The following CDYL variants were observed in gnomAD, a reference collection of about 807,000 sequenced individuals.
CDYL encodes the protein chromodomain Y-like protein.
CDYL carries 8 observed loss-of-function variants against 47.3 expected under a neutral mutation model. The observed-to-expected ratio is 0.17, with a 90% confidence interval of 0.10 to 0.31. The LOEUF (loss-of-function observed/expected upper bound fraction) is 0.31, where lower values mean the gene tolerates loss of function less well. CDYL is among the 10% of genes least tolerant of loss of function. CDYL has a pLI of 1.00. For missense variants in CDYL, 471 were observed against 701.4 expected, an observed-to-expected ratio of 0.67 and a Z score of 3.71; for synonymous variants, 266 against 265.0, an observed-to-expected ratio of 1.00 and a Z score of -0.04.
intron 1 of CDYL, among the ~76,000 whole-genome samples, chr6:4,866,857 T>A (rs1156318572): frequency 6.6e-6 from 1 of 152,094 alleles, no homozygotes; most frequent in African/African-American, 2.4e-5. Context: ...AGTTCACGGA[T>A]GTATTCTACC....
chr6:4,724,724 T>C (rs978613126), intron 2 of CDYL: 2 of 152,260 alleles, frequency 1.3e-5, no homozygotes, highest in South Asian at 2.1e-4. Context: ...CTCGTTGGGT[T>C]CGTGGTCTCA....
chr6:4,941,873 G>C (rs1758369400), intron 4 of CDYL, among the ~76,000 whole-genome samples: 1 of 152,108 alleles, frequency 6.6e-6, no homozygotes, highest in Non-Finnish European at 1.5e-5. Context: ...TGTTCCATAA[G>C]GCAGATGAAA....
At chr6:4,829,874 T>C (rs556212335) in intron 1 of CDYL, among the ~76,000 whole-genome samples, 1 of 152,244 alleles carries the variant, frequency 6.6e-6, no homozygotes, top group Admixed American at 6.5e-5. Flanking sequence ...GAATGCAGGC[T>C]GTCAGGCCAG....
intron 2 of CDYL, among the ~76,000 whole-genome samples, chr6:4,928,000 C>G (rs1417058257): frequency 6.6e-6 from 1 of 152,178 alleles, no homozygotes; most frequent in Non-Finnish European, 1.5e-5. Context: ...TAAACTGATT[C>G]TAGCTCATCA....
chr6:4,851,782 C>T (rs1177044524), intron 1 of CDYL, among the ~76,000 whole-genome samples: 1 of 152,086 alleles, frequency 6.6e-6, no homozygotes, highest in Non-Finnish European at 1.5e-5. Flanking sequence ...ACATGGCTGT[C>T]ATTCTTCATG....
At chr6:4,724,800 T>TA (rs1326504071) in intron 2 of CDYL, 1 of 152,174 alleles carries the variant, frequency 6.6e-6, no homozygotes, top group Non-Finnish European at 1.5e-5. Context: ...CAGTGTGGAC[T>TA]CAAAGAATTA....
intron 1 of CDYL, among the ~76,000 whole-genome samples, chr6:4,792,519 C>T (rs1275551561): frequency 6.6e-6 from 1 of 151,696 alleles, no homozygotes; most frequent in African/African-American, 2.4e-5. Flanking sequence ...GTAACCTCCA[C>T]CTCCCTGTTA....
intron 1 of CDYL, among the ~76,000 whole-genome samples, chr6:4,860,500 T>C (rs1025049412): frequency 2.1e-4 from 31 of 147,898 alleles, no homozygotes; most frequent in African/African-American, 7.6e-4. Flanking sequence ...ATAGGAAATA[T>C]ATATATATAA....
At chr6:4,893,817 T>C (rs1368547561) in intron 2 of CDYL, among the ~76,000 whole-genome samples, 2 of 152,260 alleles carry the variant, frequency 1.3e-5, no homozygotes, top group African/African-American at 4.8e-5. Flanking sequence ...TACTTTCCTC[T>C]AAAGCGAAGT....
chr6:4,790,002 C>T (rs1196469414), intron 1 of CDYL, among the ~76,000 whole-genome samples: 1 of 152,170 alleles, frequency 6.6e-6, no homozygotes, highest in African/African-American at 2.4e-5. Context: ...AATGGGTTTT[C>T]TCTCCTGCTG....
At chr6:4,777,100 G>A (rs1758485518) in intron 1 of CDYL, among the ~76,000 whole-genome samples, 1 of 150,312 alleles carries the variant, frequency 6.7e-6, no homozygotes, top group Non-Finnish European at 1.5e-5. Context: ...AGTGCTCTTG[G>A]CGTGGGTCGT....
At chr6:4,728,450 C>A (rs1283385864) in intron 2 of CDYL, among the ~76,000 whole-genome samples, 1 of 152,198 alleles carries the variant, frequency 6.6e-6, no homozygotes, top group Non-Finnish European at 1.5e-5. Flanking sequence ...TTCCGTCCCG[C>A]TTGCTTCTAG....
chr6:4,713,169 T>A (rs980916731), intron 1 of CDYL, among the ~76,000 whole-genome samples: 1 of 152,132 alleles, frequency 6.6e-6, no homozygotes, highest in East Asian at 1.9e-4. Context: ...AAACCCTCAT[T>A]TCACAATCAT....
chr6:4,750,895 T>C lies in CDYL; in HGVS notation c.186+16051T>C, dbSNP rs368229470. 5.2e-4 allele frequency among the ~76,000 whole-genome samples: 78 copies of C among 150,982 alleles called. 1 individual carries two copies. The highest frequency in any genetic ancestry group is 2.4e-3 in the Admixed American group (36 of 15,192). The stretch of plus-strand genomic sequence containing the variant: ...TAAGATGGAGTCTTGCTCTGTCACC[T>C]AGGCTGGAGTGCAGTGGCACGATCT... On this transcript the variant is annotated intron_variant, in intron 3 of 8. Transcript: ENST00000328908.
intron 3 of CDYL, among the ~76,000 whole-genome samples, chr6:4,752,864 ATAGGTAGG>A (rs1288042749): frequency 7.1e-6 from 1 of 141,844 alleles, no homozygotes; most frequent in Non-Finnish European, 1.5e-5. Flanking sequence ...GTGTTTGTAG[ATAGGTAGG>A]TAGGTAGGTA....
At chr6:4,861,676 TAAAG>T (rs1391764566) in intron 1 of CDYL, among the ~76,000 whole-genome samples, 3 of 152,256 alleles carry the variant, frequency 2.0e-5, no homozygotes, top group African/African-American at 4.8e-5. Flanking sequence ...GATTGCTCCT[TAAAG>T]AGAGTAGATT....
intron 4 of CDYL, among the ~76,000 whole-genome samples, chr6:4,941,474 G>A (rs1439846932): frequency 1.3e-5 from 2 of 152,170 alleles, no homozygotes; most frequent in African/African-American, 4.8e-5. Context: ...ATTCAGAATG[G>A]CCAGTTCCCA....
rs1449894221 is a variant in CDYL, at chr6:4,895,281, G to GCGCA, written c.691+2902_691+2903insCGCA. Among the ~76,000 whole-genome samples the GCGCA allele has an allele frequency of 1.5e-5, 2 of 132,822 alleles. 1 individual carries two copies. Among genetic ancestry groups the GCGCA allele is most frequent in the African/African-American group, 5.8e-5 (2 of 34,324 alleles). 87.1% of individuals were successfully genotyped at this position (132,822 alleles called of 152,430 possible). A position where few individuals can be genotyped will look rare whatever the true frequency, so the allele number is the denominator to read the frequency against. On this transcript the variant is annotated intron_variant, in intron 2 of 6. Coordinates refer to ENST00000397588, the MANE Select transcript of CDYL (RefSeq NM_004824.4). ...TGCATGTATACATGTATGTATATAT[G>GCGCA]TGCATATATGCATGTATGTATATAT...
upstream of CDYL, among the ~76,000 whole-genome samples, chr6:4,773,556 T>C (rs969257160): frequency 5.3e-5 from 8 of 152,148 alleles, no homozygotes; most frequent in African/African-American, 1.9e-4. The surrounding 1 kb of genome is among the most constrained non-coding windows in gnomAD (Gnocchi z 4.6). Flanking sequence ...GTAAGACAAA[T>C]TGAACGAATG....
Sources: allele counts gnomAD v4.1 joint callset (sites outside exome capture counted in the v4.1 genomes callset), GRCh38; gene constraint gnomAD v4.1.1; non-coding constraint Gnocchi (gnomAD v3.1); transcripts MANE v1.5; gene names NCBI Gene and HGNC (gene_info 2026-07-23, HGNC 2026-07-21).